Variants in SUFU observed in about 807,000 individuals in gnomAD.
SUFU encodes suppressor of fused homolog.
Under a neutral mutation model 58.9 loss-of-function variants are expected in SUFU, and 7 were observed. The ratio of observed to expected loss-of-function variants is 0.12; its 90% CI spans 0.07 to 0.22. SUFU has a LOEUF of 0.22. Among genes scored for constraint, SUFU ranks in the 10% least tolerant of loss-of-function variants. The pLI is 1.00. For missense variants in SUFU, 451 were observed against 641.3 expected, an observed-to-expected ratio of 0.70 and a Z score of 3.20; for synonymous variants, 232 against 254.8, an observed-to-expected ratio of 0.91 and a Z score of 0.85.
intron 2 of SUFU, among the ~76,000 whole-genome samples, chr10:102,514,871 T>C (rs2062447315): frequency 6.6e-6 from 1 of 152,202 alleles, no homozygotes; most frequent in African/African-American, 2.4e-5. Flanking sequence ...GAGAGTGCAT[T>C]TGAGAACTCA....
chr10:102,597,390 A>G (rs2063474515), intron 7 of SUFU, 97 bp downstream of exon 7: 1 of 1,437,232 alleles, frequency 7.0e-7, no homozygotes, highest in Admixed American at 2.3e-5. Context: ...AACAAAAACA[A>G]CCCATTCAAT....
At chr10:102,541,157 T>C (rs1472839424) in intron 2 of SUFU, among the ~76,000 whole-genome samples, 2 of 152,218 alleles carry the variant, frequency 1.3e-5, no homozygotes, top group Non-Finnish European at 2.9e-5. Context: ...TCATTGATTC[T>C]GTTTCATTTA....
At chr10:102,561,511 A>C (rs1211208289) in intron 3 of SUFU, among the ~76,000 whole-genome samples, 1 of 152,154 alleles carries the variant, frequency 6.6e-6, no homozygotes, top group Non-Finnish European at 1.5e-5. Context: ...CTGGGATTAC[A>C]GATGTGAGCC....
At chr10:102,588,859 T>TAA (rs2063363904) in intron 3 of SUFU, among the ~76,000 whole-genome samples, 1 of 152,242 alleles carries the variant, frequency 6.6e-6, no homozygotes, top group Admixed American at 6.5e-5. Flanking sequence ...AGCATTGTAT[T>TAA]ATATTTGATG....
chr10:102,534,201 G>T (rs1238152634), intron 2 of SUFU, among the ~76,000 whole-genome samples: 1 of 152,140 alleles, frequency 6.6e-6, no homozygotes, highest in African/African-American at 2.4e-5. Context: ...GGCTGAGGCG[G>T]GTGGATCACT....
rs963068906 is a variant in SUFU, at chr10:102,550,255, C to T, written c.454+149C>T. 31 of 1,330,548 alleles carry T rather than the reference C, an allele frequency of 2.3e-5. No homozygotes were observed. The African/African-American group carries it at 4.1e-4, about 17-fold the overall frequency. The allele number at this position is 1,330,548 out of a possible 1,614,324, so 82.4% of individuals were successfully genotyped here. A position where few individuals can be genotyped will look rare whatever the true frequency, so the allele number is the denominator to read the frequency against. On this transcript the variant is annotated intron_variant, in intron 3 of 11. Coordinates refer to ENST00000369902, the MANE Select transcript of SUFU (RefSeq NM_016169.4). The stretch of plus-strand genomic sequence containing the variant: ...CTACCATGAGGATGGCTTGTTTTGC[C>T]TGGTGTTTCCTGGTTGGAAAACCAA...
At position 102,631,162 on chromosome 10, in the gene SUFU, C is replaced by T. The variant is rs2135961595; in HGVS notation, c.*1007C>T. On this transcript the variant is annotated 3_prime_UTR_variant, in exon 12 of 12. Transcript: ENST00000369902. ...CCAGTCCTGTCCCATTTCCTCAGTC[C>T]CTGGGCCTCCCAGCCTTCAGGCTGT... 1 of 233,474 alleles carries T rather than the reference C, an allele frequency of 4.3e-6. No homozygotes were observed. The highest frequency in any genetic ancestry group is 2.2e-5 in the African/African-American group (1 of 45,452). The allele number at this position is 233,474 out of a possible 1,614,324, so 14.5% of individuals were successfully genotyped here. A position where few individuals can be genotyped will look rare whatever the true frequency, so the allele number is the denominator to read the frequency against.
At chr10:102,587,728 A>G (rs1326429595) in intron 3 of SUFU, among the ~76,000 whole-genome samples, 3 of 152,150 alleles carry the variant, frequency 2.0e-5, no homozygotes, top group Non-Finnish European at 2.9e-5. Context: ...TCCTGACCTC[A>G]GGTGATCTGC....
At chr10:102,598,570 T>C (rs1216957845) in intron 7 of SUFU, among the ~76,000 whole-genome samples, 1 of 152,184 alleles carries the variant, frequency 6.6e-6, no homozygotes, top group African/African-American at 2.4e-5. Flanking sequence ...AAGAGGTGAT[T>C]TAAAGAGGGA....
chr10:102,598,561 A>G (rs2063486767), intron 7 of SUFU, among the ~76,000 whole-genome samples: 1 of 152,214 alleles, frequency 6.6e-6, no homozygotes, highest in Non-Finnish European at 1.5e-5. Context: ...TTTTGACAAA[A>G]GAGGTGATTT....
Position 102,582,267 on chromosome 10 carries a change from CACA to C in SUFU, c.455-10314_455-10312del, listed in dbSNP as rs559761847. On this transcript the variant is annotated intron_variant, in intron 3 of 11. Coordinates refer to ENST00000369902, the MANE Select transcript of SUFU (RefSeq NM_016169.4). ...GAACATCACGGGGCCTGTACTTTTG[CACA>C]GAAGGGAGGCAGGCTGGCACTGTCT... Among the ~76,000 whole-genome samples the C allele has an allele frequency of 3.3e-3, 507 of 152,236 alleles. 5 individuals carry two copies. Among genetic ancestry groups the C allele is most frequent in the African/African-American group, 0.011 (477 of 41,542 alleles).
intron 2 of SUFU, among the ~76,000 whole-genome samples, chr10:102,547,814 A>G (rs1320931057): frequency 6.6e-6 from 1 of 151,838 alleles, no homozygotes; most frequent in African/African-American, 2.4e-5. Context: ...CTCGGAAAGA[A>G]AGAGAGAGAG....
chr10:102,524,829 A>G (rs781055087), intron 2 of SUFU, among the ~76,000 whole-genome samples: 1 of 152,232 alleles, frequency 6.6e-6, no homozygotes, highest in Non-Finnish European at 1.5e-5. Context: ...TACATCAGTA[A>G]ATATTTGTTG....
At chr10:102,540,127 C>G (rs957555552) in intron 2 of SUFU, among the ~76,000 whole-genome samples, 3 of 152,104 alleles carry the variant, frequency 2.0e-5, no homozygotes, top group Non-Finnish European at 2.9e-5. Context: ...TGTACTTTGC[C>G]AGCCCAGGAA....
chr10:102,618,655 A>C (rs951613069), intron 10 of SUFU: 2 of 234,718 alleles, frequency 8.5e-6, no homozygotes, highest in Non-Finnish European at 1.6e-5. Context: ...TACATTTTAA[A>C]AGTCCCACTT....
chr10:102,542,429 C>T (rs1282743149), intron 2 of SUFU, among the ~76,000 whole-genome samples: 2 of 125,968 alleles, frequency 1.6e-5, no homozygotes, highest in Non-Finnish European at 3.4e-5. Flanking sequence ...CTGCGCCCGG[C>T]CTATATATAT....
In SUFU at chr10:102,616,640, G is replaced by A. The variant is rs375554678; in HGVS notation, c.1158-650G>A. Among the ~76,000 whole-genome samples, 20 of 152,376 alleles carry A rather than the reference G, an allele frequency of 1.3e-4. No homozygotes were observed. In the East Asian group the frequency reaches 1.5e-3, roughly 12 times the overall value. ...TGATGAGTGGCTCTGCCCATTAGCTGCCCCTGCCTGCCCCTCCCCCAGGTG... is the reference window on the plus strand; with the variant it reads ...TGATGAGTGGCTCTGCCCATTAGCTACCCCTGCCTGCCCCTCCCCCAGGTG... On this transcript the variant is annotated intron_variant, in intron 9 of 11. Coordinates refer to ENST00000369902, the MANE Select transcript of SUFU (RefSeq NM_016169.4).
At chr10:102,571,040 G>A (rs1418624383) in intron 3 of SUFU, among the ~76,000 whole-genome samples, 2 of 152,072 alleles carry the variant, frequency 1.3e-5, no homozygotes, top group East Asian at 3.9e-4. Context: ...TCATGTTTTG[G>A]TAGGTGAAAA....
At chr10:102,535,934 GA>G (rs2062734195) in intron 2 of SUFU, among the ~76,000 whole-genome samples, 2 of 64,018 alleles carry the variant, frequency 3.1e-5, no homozygotes, top group African/African-American at 6.7e-5. Flanking sequence ...GGCTGGAGAT[GA>G]TGATGATGAT....
Sources: allele counts gnomAD v4.1 joint callset (sites outside exome capture counted in the v4.1 genomes callset), GRCh38; gene constraint gnomAD v4.1.1; transcripts MANE v1.5; gene names NCBI Gene and HGNC (gene_info 2026-07-23, HGNC 2026-07-21).